TPP1: variants seen among roughly 807,000 people sequenced by gnomAD.
TPP1 encodes the protein tripeptidyl-peptidase 1.
A neutral mutation model predicts 67.6 loss-of-function variants in TPP1; 43 were observed. The observed-to-expected ratio is 0.64, with a 90% CI of 0.50 to 0.82. The LOEUF (loss-of-function observed/expected upper bound fraction) is 0.82. TPP1 is among the 40% of genes least tolerant of loss of function. The pLI, the probability that TPP1 is intolerant of heterozygous loss-of-function variation, is 0.00. For synonymous variants in TPP1, 272 were observed against 281.5 expected (o/e 0.97, Z 0.34); for missense variants, 671 against 710.9 (o/e 0.94, Z 0.64).
In TPP1 at chr11:6,617,345, T is replaced by A; in HGVS notation, c.464A>T (p.His155Leu). 6.2e-7 allele frequency: 1 copy of A among 1,614,144 alleles called. No individual in the cohort carries two copies. Among genetic ancestry groups the A allele is most frequent in the Non-Finnish European group, 8.5e-7 (1 of 1,180,016 alleles). The change falls in exon 5 of 13, where the codon CAT becomes CTT. Residue 155 changes from histidine (H) to leucine (L), a missense_variant. By Grantham distance (99) the His-to-Leu change is moderately conservative. Coordinates refer to ENST00000299427, the MANE Select transcript of TPP1 (RefSeq NM_000391.4). ...CAAGGCCTGTGGAAGCTGGTAGGGA[T>A]GTGGGGACCTTACAACATGGGTTTC... is the stretch of plus-strand genomic sequence containing the variant. ...PTETHVVRSP[H>L]PYQLPQALAP...
In TPP1 at chr11:6,615,257, G is replaced by A. The variant is rs1035033641; in HGVS notation, c.1339C>T (p.Arg447Cys). 15 of 1,614,038 alleles carry A rather than the reference G, an allele frequency of 9.3e-6. 1 individual carries two copies. The highest frequency in any genetic ancestry group is 1.6e-4 in the Middle Eastern group (1 of 6,084). Reference protein sequence around the residue: ...PPSSYFNASGRAYPDVAALSD... With the variant: ...PPSSYFNASGCAYPDVAALSD... ...AGTGCAGCCACATCTGGGTAGGCAC[G>A]GCCACTGGCATTGAAGTAACTGGAT... The change falls in exon 11 of 13, where the codon CGT (arginine) becomes TGT (cysteine). Residue 447 changes from arginine to cysteine, a missense_variant. By Grantham distance (180) the Arg-to-Cys change is radical (BLOSUM62 -3). Transcript: ENST00000299427.
At position 6,614,673 on chromosome 11, in the gene TPP1, C is replaced by T. The variant is rs2134590511; in HGVS notation, c.1565G>A (p.Cys522Tyr). The T allele has an allele frequency of 6.2e-7, 1 of 1,614,144 alleles. No individual in the cohort carries two copies. The highest frequency in any genetic ancestry group is 8.5e-7 in the Non-Finnish European group (1 of 1,180,028). ...GAGLFDVTRG[C>Y]HESCLDEEVE... ...CTCTTCATCCAGACAGGACTCATGGCAGCCACGGGTTACCTAGGGAGGAGG... is the reference window on the plus strand; with the variant it reads ...CTCTTCATCCAGACAGGACTCATGGTAGCCACGGGTTACCTAGGGAGGAGG... The change falls in exon 13 of 13, where the codon TGC (cysteine) becomes TAC (tyrosine). Residue 522 changes from cysteine (C) to tyrosine (Y), a missense_variant. Physicochemically the swap from Cys to Tyr is radical, Grantham distance 194. Coordinates refer to ENST00000299427, the MANE Select transcript of TPP1 (RefSeq NM_000391.4).
Position 6,614,604 on chromosome 11 carries a change from A to T in TPP1, c.1634T>A (p.Val545Glu). The change falls in exon 13 of 13, where the codon GTA becomes GAA. Residue 545 changes from valine to glutamate, a missense_variant. Val to Glu is a moderately radical substitution (Grantham distance 121, BLOSUM62 -2). Coordinates refer to ENST00000299427, the MANE Select transcript of TPP1 (RefSeq NM_000391.4). The part of the protein sequence containing the change: ...GFCSGPGWDP[V>E]TGWGTPNFPA... ...GAAGTTGGGTGTTCCCCAGCCTGTT[A>T]CAGGATCCCAGCCAGGACCAGAGCA... is the stretch of plus-strand genomic sequence containing the variant. 2 of 1,614,126 alleles carry T rather than the reference A, an allele frequency of 1.2e-6. No homozygotes were observed. The highest frequency in any genetic ancestry group is 1.7e-6 in the Non-Finnish European group (2 of 1,180,002).
In TPP1 at chr11:6,614,950, A is replaced by T. The variant is rs1855554877; in HGVS notation, c.1467T>A (p.Asn489Lys). The T allele has an allele frequency of 6.2e-7, 1 of 1,614,138 alleles. No homozygotes were observed. Among genetic ancestry groups the T allele is most frequent in the Non-Finnish European group, 8.5e-7 (1 of 1,180,024 alleles). ...GGCGGCCACTAAGGATCCTGTGCTCATTGATCAAGGATAGGATCCCCCCAA... is the reference window on the plus strand; with the variant it reads ...GGCGGCCACTAAGGATCCTGTGCTCTTTGATCAAGGATAGGATCCCCCCAA... ...PVFGGILSLI[N>K]EHRILSGRPP... The change falls in exon 12 of 13, where the codon AAT (asparagine) becomes AAA (lysine). Residue 489 changes from asparagine (N) to lysine (K), a missense_variant. Physicochemically the swap from Asn to Lys is moderately conservative, Grantham distance 94. Transcript: ENST00000299427.
At position 6,616,806 on chromosome 11, in the gene TPP1, G is replaced by A. The variant is rs372817942; in HGVS notation, c.741C>T (p.Phe247=). The change falls in exon 7 of 13, where the codon TTC becomes TTT. Residue 247 remains phenylalanine (F), a synonymous_variant. Transcript: ENST00000299427. ...DSDLAQFMRL[F]GGNFAHQASV... ...ATGCCTGATGTGCAAAGTTGCCACC[G>A]AAGAGGCGCATGAACTGAGCCAGGT... The A allele has an allele frequency of 1.5e-5, 24 of 1,613,692 alleles. No individual in the cohort carries two copies. The African/African-American group carries it at 1.9e-4, about 13-fold the overall frequency.
At chr11:6,618,553 C>T (rs995642490) in intron 3 of TPP1, 7 of 632,552 alleles carry the variant, frequency 1.1e-5, no homozygotes, top group African/African-American at 3.7e-5. Flanking sequence ...GGGGAAGGAA[C>T]GTAAGTTGTA....
chr11:6,617,053 AGAG>A lies in TPP1; in HGVS notation c.606_608del (p.Ser203del), dbSNP rs1157567524. On this transcript the variant is annotated inframe_deletion, in exon 6 of 13. Transcript: ENST00000299427. Reference sequence around the variant, plus strand: ...TCAAGTTGTATCGCTTACGGATCACAGAGGGGGTTACCCCCAGATGCAGGCCTA... The same window carrying A: ...TCAAGTTGTATCGCTTACGGATCACAGGGGTTACCCCCAGATGCAGGCCTA... 1 of 1,614,154 alleles carries A rather than the reference AGAG, an allele frequency of 6.2e-7. No individual in the cohort carries two copies. Among genetic ancestry groups the A allele is most frequent in the Non-Finnish European group, 8.5e-7 (1 of 1,180,012 alleles).
At chr11:6,619,308 T>C (rs1179385724) in intron 1 of TPP1, 41 bp from the exon 2 acceptor site, 8 of 1,614,072 alleles carry the variant, frequency 5.0e-6, no homozygotes, top group Non-Finnish European at 6.8e-6. Context: ...AGCTACGTTG[T>C]CCTTGTGTTC....
rs786204553 is a variant in TPP1, at chr11:6,614,865, C to G, written c.1551+1G>C. On this transcript the variant is annotated splice_donor_variant, in intron 12 of 12. Transcript: ENST00000299427. LOFTEE classifies it high-confidence loss of function. Reference sequence around the variant, plus strand: ...TCCACACCCTTCCCTTCCATACTTACATCAAAGAGTCCTGCCCCATGCTGC... The same window carrying G: ...TCCACACCCTTCCCTTCCATACTTAGATCAAAGAGTCCTGCCCCATGCTGC... 12 of 1,614,016 alleles carry G rather than the reference C, an allele frequency of 7.4e-6. No homozygotes were observed. Among genetic ancestry groups the G allele is most frequent in the Non-Finnish European group, 1.0e-5 (12 of 1,180,026 alleles).
chr11:6,614,807 C>T, intron 12 of TPP1, 59 bp downstream of exon 12: 1 of 1,613,856 alleles, frequency 6.2e-7, no homozygotes, highest in Non-Finnish European at 8.5e-7. Context: ...CCCCCAAGTC[C>T]CCCTTAGCAC....
rs78970155 is a variant in TPP1 at position 6,615,200 on chromosome 11, C to T, written c.1396G>A (p.Val466Met). ...SDGYWVVSNR[V>M]PIPWVSGTSA... ...GTTCCGGACACCCATGGAATGGGCA[C>T]TCTGTTGCTGACCACCCAGTAGCCA... The change falls in exon 11 of 13, where the codon GTG becomes ATG. Residue 466 changes from valine to methionine, a missense_variant. Val to Met is a conservative substitution (Grantham distance 21, BLOSUM62 1). Transcript: ENST00000299427. The T allele has an allele frequency of 5.9e-4, 953 of 1,614,178 alleles. 7 individuals are homozygous for T. The African/African-American group carries it at 0.011, about 19-fold the overall frequency.
rs202189057 is a variant in TPP1 at position 6,617,695 on chromosome 11, A to T, written c.311T>A (p.Leu104Ter). The change falls in exon 4 of 13, where the codon TTG (leucine) becomes TAG (stop). Residue 104 changes from leucine (L) to a stop codon, truncating the protein, a stop_gained. Transcript: ENST00000299427. LOFTEE classifies it high-confidence loss of function. Reference sequence around the variant, plus strand: ...ATGGCACTTCTGGGCTCCGGCTGCCAAGAGCCATTTTTGCACCGTGTGGAG... The same window carrying T: ...ATGGCACTTCTGGGCTCCGGCTGCCTAGAGCCATTTTTGCACCGTGTGGAG... ...LTLHTVQKWL[L>*]AAGAQKCHSV... The T allele has an allele frequency of 1.9e-6, 3 of 1,614,198 alleles. No homozygotes were observed. The highest frequency in any genetic ancestry group is 2.5e-6 in the Non-Finnish European group (3 of 1,180,036).
Position 6,615,069 on chromosome 11 carries a change from A to G in TPP1, c.1426-78T>C, listed in dbSNP as rs1800723. The stretch of plus-strand genomic sequence containing the variant: ...TTTGGGAGTGATGCTTTAAAGTATC[A>G]GACATCTCTAAGGAGTCAGGGGTTC... On this transcript the variant is annotated intron_variant, in intron 11 of 12. Coordinates refer to ENST00000299427, the MANE Select transcript of TPP1 (RefSeq NM_000391.4). The G allele has an allele frequency of 0.2, 320,048 of 1,613,624 alleles. 33,411 individuals carry two copies. Among genetic ancestry groups the G allele is most frequent in the Non-Finnish European group, 0.21 (252,247 of 1,179,686 alleles).
Position 6,614,548 on chromosome 11 carries a change from A to G in TPP1, c.1690T>C (p.Ter564ArgextTer29), listed in dbSNP as rs2134590234. 1 of 1,614,186 alleles carries G rather than the reference A, an allele frequency of 6.2e-7. No individual in the cohort carries two copies. Among genetic ancestry groups the G allele is most frequent in the Non-Finnish European group, 8.5e-7 (1 of 1,180,024 alleles). ...PALLKTLLNP[*>R] ...CCATCTCTCCTGATAGGAAAGGGTCAGGGGTTGAGTAGAGTCTTCAGCAAA... is the reference window on the plus strand; with the variant it reads ...CCATCTCTCCTGATAGGAAAGGGTCGGGGGTTGAGTAGAGTCTTCAGCAAA... Residue 564 changes from the stop codon to arginine, a stop_lost, in exon 13 of 13, where the codon TGA becomes CGA. Coordinates refer to ENST00000299427, the MANE Select transcript of TPP1 (RefSeq NM_000391.4).
chr11:6,617,963 T>C (rs557655189), intron 3 of TPP1, 187 bp from the exon 4 acceptor site: 15 of 733,698 alleles, frequency 2.0e-5, no homozygotes, highest in East Asian at 1.9e-4. Context: ...TGAAATGCCA[T>C]GGCCAATAAT....
chr11:6,619,167 AG>A (rs1343782972), intron 2 of TPP1, 28 bp downstream of exon 2: 19 of 1,613,092 alleles, frequency 1.2e-5, no homozygotes, highest in Non-Finnish European at 1.6e-5. Context: ...GGTATGGGGA[AG>A]GGGGCAGTCT....
Position 6,616,062 on chromosome 11 carries a change from G to GA in TPP1, c.1087_1088insT (p.Ala363ValfsTer40), listed in dbSNP as rs1855576093. The GA allele has an allele frequency of 6.2e-7, 1 of 1,614,068 alleles. No homozygotes were observed. The highest frequency in any genetic ancestry group is 8.5e-7 in the Non-Finnish European group (1 of 1,180,024). On this transcript the variant is annotated frameshift_variant, in exon 9 of 13. Coordinates refer to ENST00000299427, the MANE Select transcript of TPP1 (RefSeq NM_000391.4). LOFTEE classifies it high-confidence loss of function. ...TCTTCCAGAGACAGACCAACACCCG[G>GA]CCCCACTGTCACCTGAGAGAGACCA...
Position 6,616,702 on chromosome 11 carries a change from C to A in TPP1, c.845G>T (p.Ser282Ile). 6.2e-7 allele frequency: 1 copy of A among 1,614,068 alleles called. No individual in the cohort carries two copies. The highest frequency in any genetic ancestry group is 8.5e-7 in the Non-Finnish European group (1 of 1,180,006). Reference sequence around the variant, plus strand: ...CCAGGTGGAGATGTTGGCACCAGCACTCATCAGGTACTGCACATCTAGACT... The same window carrying A: ...CCAGGTGGAGATGTTGGCACCAGCAATCATCAGGTACTGCACATCTAGACT... Reference protein sequence around the residue: ...EASLDVQYLMSAGANISTWVY... With the variant: ...EASLDVQYLMIAGANISTWVY... The change falls in exon 7 of 13, where the codon AGT becomes ATT. Residue 282 changes from serine to isoleucine, a missense_variant. Ser to Ile is a moderately radical substitution (Grantham distance 142, BLOSUM62 -2). Coordinates refer to ENST00000299427, the MANE Select transcript of TPP1 (RefSeq NM_000391.4).
chr11:6,618,220 G>T, intron 3 of TPP1: 1 of 336,578 alleles, frequency 3.0e-6, no homozygotes, highest in Non-Finnish European at 5.7e-6. Context: ...GTGTCACACT[G>T]CCCCGTCCCC....
Sources: gnomAD v4.1 joint callset for allele counts on GRCh38, gnomAD v4.1.1 for gene constraint, MANE v1.5 for transcripts, NCBI Gene and HGNC (gene_info 2026-07-23, HGNC 2026-07-21) for gene names.